Variants in SLC6A6 observed in about 807,000 individuals in gnomAD.
SLC6A6 encodes the protein solute carrier family 6 member 6.
Under a neutral mutation model 68.8 loss-of-function variants are expected in SLC6A6, and 16 were observed. The ratio of observed to expected loss-of-function variants is 0.23; its 90% CI spans 0.16 to 0.35. The LOEUF (loss-of-function observed/expected upper bound fraction) is 0.35. Ranked by LOEUF, SLC6A6 falls within the 10% of genes least tolerant of loss-of-function variation. The pLI is 1.00. For synonymous variants in SLC6A6, 312 were observed against 315.4 expected (o/e 0.99, Z 0.12); for missense variants, 474 against 802.8 (o/e 0.59, Z 4.95).
At position 14,478,439 on chromosome 3, in the gene SLC6A6, G is replaced by C. The variant is rs372066855; in HGVS notation, c.1348-27G>C. ...GAAATTGGAGACCAGGTAGGAAATC[G>C]ACCTTCTGTGGTTTTTTTCTTCACA... is the stretch of plus-strand genomic sequence containing the variant. On this transcript the variant is annotated intron_variant, in intron 11 of 14. Coordinates refer to ENST00000622186, the MANE Select transcript of SLC6A6 (RefSeq NM_003043.6). 3 of 1,448,076 alleles carry C rather than the reference G, an allele frequency of 2.1e-6. No homozygotes were observed. In the African/African-American group the frequency reaches 4.2e-5, roughly 20 times the overall value. The allele number at this position is 1,448,076 out of a possible 1,614,324, so 89.7% of individuals were successfully genotyped here.
intron 2 of SLC6A6, among the ~76,000 whole-genome samples, chr3:14,437,289 G>T (rs947068223): frequency 1.1e-4 from 16 of 151,516 alleles, no homozygotes; most frequent in African/African-American, 3.9e-4. Context: ...ACAGGGTCTC[G>T]CTCTGTCACC....
At chr3:14,432,232 A>G (rs1574924936) in intron 2 of SLC6A6, among the ~76,000 whole-genome samples, 2 of 152,332 alleles carry the variant, frequency 1.3e-5, no homozygotes, top group East Asian at 3.9e-4. Context: ...AGGAAATGGC[A>G]ACCAACCTTT....
chr3:14,414,608 C>G (rs1339939827), intron 1 of SLC6A6, among the ~76,000 whole-genome samples: 1 of 152,136 alleles, frequency 6.6e-6, no homozygotes, highest in Non-Finnish European at 1.5e-5. Flanking sequence ...TCGCTGCAAC[C>G]TCAAACTTCT....
chr3:14,424,959 T>C (rs1482131611), intron 2 of SLC6A6, among the ~76,000 whole-genome samples: 1 of 152,200 alleles, frequency 6.6e-6, no homozygotes, highest in East Asian at 1.9e-4. Context: ...GCTGGTATTT[T>C]CCCAGTGTGG....
chr3:14,420,511 G>A (rs1212973157), intron 2 of SLC6A6, among the ~76,000 whole-genome samples: 1 of 117,476 alleles, frequency 8.5e-6, no homozygotes, highest in Admixed American at 8.1e-5. Context: ...TTTTTTTTGA[G>A]ACAGAGTCTT....
At chr3:14,459,167 C>A (rs1700437924) in intron 6 of SLC6A6, among the ~76,000 whole-genome samples, 1 of 152,166 alleles carries the variant, frequency 6.6e-6, no homozygotes, top group African/African-American at 2.4e-5. Flanking sequence ...CAACGCTTTC[C>A]CCAGTGACTC....
At chr3:14,479,322 G>T in intron 13 of SLC6A6, 137 bp downstream of exon 13, 1 of 642,724 alleles carries the variant, frequency 1.6e-6, no homozygotes, top group East Asian at 2.7e-5. Flanking sequence ...CTGCCTGGGA[G>T]AGGGGAGGAA....
chr3:14,417,307 C>T (rs542484876), intron 2 of SLC6A6, among the ~76,000 whole-genome samples: 22 of 152,208 alleles, frequency 1.4e-4, no homozygotes, highest in African/African-American at 2.2e-4. Context: ...TTGCCACATT[C>T]GCTTCATCTC....
rs1700917997 is a variant in SLC6A6, at chr3:14,477,981, C to T, written c.1348-485C>T. Among the ~76,000 whole-genome samples, 3 of 150,976 alleles carry T rather than the reference C, an allele frequency of 2.0e-5. No individual in the cohort carries two copies. The highest frequency in any genetic ancestry group is 2.0e-4 in the Admixed American group (3 of 15,250). On this transcript the variant is annotated intron_variant, in intron 11 of 14. Coordinates refer to ENST00000622186, the MANE Select transcript of SLC6A6 (RefSeq NM_003043.6). This position sits in a 1 kb window ranked among gnomAD's most constrained non-coding sequence, Gnocchi z 4.2. ...AGCCTAGCATCAAAGCCAGGGCACG[C>T]TCTCTCCTGCATGCCCCCCCCCACC...
chr3:14,431,332 A>G (rs531532003), intron 2 of SLC6A6, among the ~76,000 whole-genome samples: 163 of 152,292 alleles, frequency 1.1e-3, no homozygotes, highest in African/African-American at 3.8e-3. Flanking sequence ...AGCCCTAAAC[A>G]TTCCATCTGA....
intron 9 of SLC6A6, among the ~76,000 whole-genome samples, chr3:14,470,560 A>G (rs1700728659): frequency 6.6e-6 from 1 of 152,124 alleles, no homozygotes; most frequent in Non-Finnish European, 1.5e-5. Context: ...AAATACAGAA[A>G]CGAGCGAATT....
At position 14,484,969 on chromosome 3, in the gene SLC6A6, G is replaced by A. The variant is rs531399879; in HGVS notation, c.1825G>A (p.Val609Met). 135 of 1,613,150 alleles carry A rather than the reference G, an allele frequency of 8.4e-5. No individual in the cohort carries two copies. In the South Asian group the frequency reaches 9.7e-4, roughly 12 times the overall value. Residue 609 changes from valine to methionine, a missense_variant, in exon 15 of 15, where the codon GTG (valine) becomes ATG (methionine). By Grantham distance (21) the Val-to-Met change is conservative. This residue lies in a region of SLC6A6 where 194 missense variants were observed against 269.8 expected (regional missense o/e 0.72). Coordinates refer to ENST00000622186, the MANE Select transcript of SLC6A6 (RefSeq NM_003043.6). ...NSRTVMNGAL[V>M]KPTHIIVETM... ...TCGCACCGTCATGAACGGCGCTCTC[G>A]TGAAACCGACCCACATCATTGTGGA...
chr3:14,409,795 G>A (rs1052077359), intron 1 of SLC6A6, among the ~76,000 whole-genome samples: 1 of 152,172 alleles, frequency 6.6e-6, no homozygotes, highest in South Asian at 2.1e-4. Flanking sequence ...TGGGGTTGTG[G>A]GATCATCCAG....
chr3:14,408,316 T>C (rs1217997971), intron 1 of SLC6A6, among the ~76,000 whole-genome samples: 3 of 152,110 alleles, frequency 2.0e-5, no homozygotes, highest in Admixed American at 6.5e-5. Flanking sequence ...ACCTGCCTGA[T>C]TGACAGTCTA....
At chr3:14,471,661 A>G (rs1444771257) in intron 9 of SLC6A6, among the ~76,000 whole-genome samples, 1 of 152,352 alleles carries the variant, frequency 6.6e-6, no homozygotes, top group East Asian at 1.9e-4. Flanking sequence ...TGACCTTGCC[A>G]GGGAGAGCCC....
At position 14,479,214 on chromosome 3, in the gene SLC6A6, G is replaced by A. The variant is rs752344742; in HGVS notation, c.1551+29G>A. On this transcript the variant is annotated intron_variant, in intron 13 of 14. Transcript: ENST00000622186. ...AGTTCCATTTCTGTGGCTCTGGCTG[G>A]TGGCCTCTTCTCCCTGGGGCTTGAC... is the stretch of plus-strand genomic sequence containing the variant. 5.8e-6 allele frequency: 8 copies of A among 1,381,182 alleles called. No individual in the cohort carries two copies. In the African/African-American group the frequency reaches 7.1e-5, roughly 12 times the overall value. 85.6% of individuals were successfully genotyped at this position (1,381,182 alleles called of 1,614,324 possible).
intron 2 of SLC6A6, among the ~76,000 whole-genome samples, chr3:14,425,072 G>A (rs1043039658): frequency 2.0e-5 from 3 of 152,178 alleles, no homozygotes; most frequent in East Asian, 1.9e-4. Flanking sequence ...ACGAAGGCAC[G>A]CCATGAAAGA....
intron 14 of SLC6A6, among the ~76,000 whole-genome samples, chr3:14,482,936 G>GCCAACCCAACC (rs1440843909): frequency 6.6e-6 from 1 of 152,112 alleles, no homozygotes; most frequent in Admixed American, 6.5e-5. Flanking sequence ...AATACTCCAG[G>GCCAACCCAACC]CCAACCCAAC....
At chr3:14,405,268 C>G (rs143540674) in intron 1 of SLC6A6, among the ~76,000 whole-genome samples, 26 of 152,272 alleles carry the variant, frequency 1.7e-4, no homozygotes, top group African/African-American at 4.8e-4. Context: ...TCCCCTGAGC[C>G]CTGCTACCCA....
Sources: gnomAD v4.1 joint callset for allele counts (sites outside exome capture counted in the v4.1 genomes callset) on GRCh38, gnomAD v4.1.1 for gene constraint, gnomAD v4.1.1 regional missense constraint, Gnocchi (gnomAD v3.1) non-coding constraint, MANE v1.5 for transcripts, NCBI Gene and HGNC (gene_info 2026-07-23, HGNC 2026-07-21) for gene names.